Variants in TCERG1L observed in about 807,000 individuals in gnomAD.
TCERG1L encodes transcription elongation regulator 1-like protein.
In TCERG1L, 37 loss-of-function variants were observed where a neutral mutation model predicts 56.3. That is an observed-to-expected ratio of 0.66 (90% CI 0.51 to 0.87). The LOEUF (loss-of-function observed/expected upper bound fraction) is 0.87, where lower values mean the gene tolerates loss of function less well. Ranked by LOEUF, TCERG1L falls within the 40% of genes least tolerant of loss-of-function variation. The pLI, the probability that TCERG1L is intolerant of heterozygous loss-of-function variation, is 0.00. For missense variants in TCERG1L, 799 were observed against 774.2 expected, an observed-to-expected ratio of 1.03 and a Z score of -0.38; for synonymous variants, 324 against 326.3, an observed-to-expected ratio of 0.99 and a Z score of 0.08.
intron 4 of TCERG1L, among the ~76,000 whole-genome samples, chr10:131,239,133 A>G (rs1845945651): frequency 6.6e-6 from 1 of 152,250 alleles, no homozygotes; most frequent in Admixed American, 6.5e-5. Flanking sequence ...GGAAGCCCAG[A>G]GCTGGGCCTG....
intron 11 of TCERG1L, among the ~76,000 whole-genome samples, chr10:131,096,081 T>G (rs1001289221): frequency 4.6e-5 from 7 of 152,070 alleles, no homozygotes; most frequent in African/African-American, 1.7e-4. Context: ...ACCGTCGGGG[T>G]CCCTCCCTGC....
intron 4 of TCERG1L, among the ~76,000 whole-genome samples, chr10:131,190,542 C>T (rs1470337303): frequency 1.4e-5 from 2 of 142,598 alleles, no homozygotes; most frequent in Non-Finnish European, 3.1e-5. Flanking sequence ...GCTAACCAAT[C>T]CAACAGCACA....
intron 4 of TCERG1L, among the ~76,000 whole-genome samples, chr10:131,253,546 A>T (rs964662348): frequency 6.6e-6 from 1 of 152,188 alleles, no homozygotes; most frequent in African/African-American, 2.4e-5. Flanking sequence ...GTTAATGCTG[A>T]GCTGACCAGC....
At chr10:131,249,885 ACT>A (rs1237898906) in intron 4 of TCERG1L, among the ~76,000 whole-genome samples, 5 of 152,116 alleles carry the variant, frequency 3.3e-5, no homozygotes, top group African/African-American at 9.6e-5. Context: ...AGAAAGCAGC[ACT>A]CTCTGCTTGT....
chr10:131,172,391 C>A (rs1287248380), intron 4 of TCERG1L, among the ~76,000 whole-genome samples: 1 of 152,198 alleles, frequency 6.6e-6, no homozygotes, highest in Non-Finnish European at 1.5e-5. Context: ...CGAGAGCAAC[C>A]GCTCATGCAT....
At chr10:131,115,281 G>A (rs1318724106) in intron 9 of TCERG1L, among the ~76,000 whole-genome samples, 1 of 152,180 alleles carries the variant, frequency 6.6e-6, no homozygotes, top group African/African-American at 2.4e-5. Context: ...GCCCCTCGGG[G>A]CAGGGCTAGA....
intron 3 of TCERG1L, among the ~76,000 whole-genome samples, chr10:131,280,029 T>C (rs544274478): frequency 8.5e-5 from 13 of 152,212 alleles, no homozygotes; most frequent in African/African-American, 3.1e-4. Flanking sequence ...ATTTAGAAAA[T>C]GTATTTTGCC....
At chr10:131,242,881 T>C (rs1845988790) in intron 4 of TCERG1L, among the ~76,000 whole-genome samples, 1 of 152,074 alleles carries the variant, frequency 6.6e-6, no homozygotes, top group African/African-American at 2.4e-5. Flanking sequence ...AAAGCGAATA[T>C]AATTATGAAC....
chr10:131,136,111 C>T (rs1845673185), intron 7 of TCERG1L, among the ~76,000 whole-genome samples: 1 of 152,230 alleles, frequency 6.6e-6, no homozygotes, highest in East Asian at 1.9e-4. Flanking sequence ...TAAATTTGCC[C>T]TCCCCAGTTG....
At chr10:131,128,495 T>A (rs1012823179) in intron 8 of TCERG1L, among the ~76,000 whole-genome samples, 2 of 152,214 alleles carry the variant, frequency 1.3e-5, no homozygotes, top group African/African-American at 2.4e-5. Context: ...TTCTAAAGGA[T>A]AAAGATAGTA....
chr10:131,184,342 A>G (rs1311501214), intron 4 of TCERG1L, among the ~76,000 whole-genome samples: 3 of 152,264 alleles, frequency 2.0e-5, no homozygotes, highest in Admixed American at 1.3e-4. Context: ...TACAAAATAG[A>G]CGTTTAATAA....
intron 8 of TCERG1L, among the ~76,000 whole-genome samples, chr10:131,125,426 T>A (rs1381305416): frequency 6.6e-6 from 1 of 152,196 alleles, no homozygotes; most frequent in Admixed American, 6.5e-5. Context: ...AGACTGTAAA[T>A]CTGGTGTTAG....
At chr10:131,211,085 C>G (rs1845613933) in intron 4 of TCERG1L, among the ~76,000 whole-genome samples, 1 of 152,252 alleles carries the variant, frequency 6.6e-6, no homozygotes, top group Admixed American at 6.5e-5. Flanking sequence ...AAGCTGCCTG[C>G]AGCCTGTGCA....
rs758420083 is a variant in TCERG1L at position 131,093,112 on chromosome 10, C to A, written c.*50G>T. 3 of 1,589,676 alleles carry A rather than the reference C, an allele frequency of 1.9e-6. No homozygotes were observed. Among genetic ancestry groups the A allele is most frequent in the African/African-American group, 2.7e-5 (2 of 73,924 alleles). On this transcript the variant is annotated 3_prime_UTR_variant, in exon 12 of 12. Transcript: ENST00000368642. ...CCGTCTCCACCGTGACCCCCTCGCC[C>A]CCGGCACGCCCAGGGTCAACCCCCG... is the stretch of plus-strand genomic sequence containing the variant.
intron 11 of TCERG1L, among the ~76,000 whole-genome samples, chr10:131,094,548 G>A (rs746877083): frequency 2.0e-5 from 3 of 152,094 alleles, no homozygotes; most frequent in Non-Finnish European, 4.4e-5. Context: ...TCCCCAAGGC[G>A]CTGCCGTTTT....
chr10:131,225,076 G>A (rs547493280), intron 4 of TCERG1L, among the ~76,000 whole-genome samples: 27 of 152,268 alleles, frequency 1.8e-4, no homozygotes, highest in African/African-American at 6.5e-4. Context: ...TCGTTTTGCA[G>A]ATGGGAACAA....
At chr10:131,279,174 C>T (rs766252103) in intron 3 of TCERG1L, among the ~76,000 whole-genome samples, 3 of 152,128 alleles carry the variant, frequency 2.0e-5, no homozygotes, top group Admixed American at 6.5e-5. Flanking sequence ...GGGAAGGCCC[C>T]GATACAGTGC....
intron 10 of TCERG1L, among the ~76,000 whole-genome samples, chr10:131,101,750 G>T (rs1012463581): frequency 2.0e-5 from 3 of 152,064 alleles, no homozygotes; most frequent in Admixed American, 2.0e-4. Flanking sequence ...GCCCAGGCTG[G>T]AGTGCAGTGG....
At chr10:131,150,675 A>T (rs1041767116) in intron 6 of TCERG1L, among the ~76,000 whole-genome samples, 2 of 152,222 alleles carry the variant, frequency 1.3e-5, no homozygotes, top group Non-Finnish European at 2.9e-5. Flanking sequence ...TGCCCACTGC[A>T]GAGTTTAAGA....
Sources: allele counts gnomAD v4.1 joint callset (sites outside exome capture counted in the v4.1 genomes callset), GRCh38; gene constraint gnomAD v4.1.1; transcripts MANE v1.5; gene names NCBI Gene and HGNC (gene_info 2026-07-23, HGNC 2026-07-21).